DPYD: variants seen among roughly 807,000 people sequenced by gnomAD.
The protein encoded by DPYD is dihydropyrimidine dehydrogenase [NADP(+)].
Under a neutral mutation model 116.2 loss-of-function variants are expected in DPYD, and 109 were observed. The ratio of observed to expected loss-of-function variants is 0.94; its 90% confidence interval spans 0.80 to 1.10. The LOEUF is 1.10. Ranked by LOEUF, DPYD falls within the 50% of genes least tolerant of loss-of-function variation. The pLI is 0.00. For synonymous variants in DPYD, 440 were observed against 432.0 expected (o/e 1.02, Z -0.23); for missense variants, 1,302 against 1,254.5 (o/e 1.04, Z -0.57).
chr1:97,771,805 C>T (rs945226518), intron 3 of DPYD, among the ~76,000 whole-genome samples: 8 of 152,046 alleles, frequency 5.3e-5, no homozygotes, highest in Non-Finnish European at 1.2e-4. Flanking sequence ...GGAAAAAAGC[C>T]ATTGCTGTTT....
chr1:97,825,727 T>A (rs1571422729), intron 3 of DPYD, among the ~76,000 whole-genome samples: 2 of 151,552 alleles, frequency 1.3e-5, no homozygotes, highest in African/African-American at 2.4e-5. Flanking sequence ...CATATGTAAC[T>A]AACCTGCACG....
At chr1:97,482,276 G>A (rs1678365680) in intron 13 of DPYD, among the ~76,000 whole-genome samples, 1 of 152,158 alleles carries the variant, frequency 6.6e-6, no homozygotes. Flanking sequence ...TTAAAGTGGT[G>A]TTATCCATCT....
intron 13 of DPYD, among the ~76,000 whole-genome samples, chr1:97,501,194 T>C (rs1178431160): frequency 6.6e-6 from 1 of 152,212 alleles, no homozygotes; most frequent in East Asian, 1.9e-4. Context: ...GAACTGTTTA[T>C]AAACTTGTCT....
chr1:97,906,093 T>TA (rs1364434374), intron 1 of DPYD, among the ~76,000 whole-genome samples: 3 of 152,004 alleles, frequency 2.0e-5, no homozygotes, highest in Non-Finnish European at 4.4e-5. Flanking sequence ...CTCCTATACT[T>TA]ACACCTGCCT....
chr1:97,731,078 T>C (rs1261830188), intron 4 of DPYD, among the ~76,000 whole-genome samples: 1 of 152,160 alleles, frequency 6.6e-6, no homozygotes, highest in Non-Finnish European at 1.5e-5. Context: ...CTGAAAACTT[T>C]TTCTTTAATG....
intron 4 of DPYD, among the ~76,000 whole-genome samples, chr1:97,724,772 G>C (rs1476832287): frequency 6.6e-6 from 1 of 151,498 alleles, no homozygotes; most frequent in African/African-American, 2.4e-5. Flanking sequence ...AGCACACAAA[G>C]GTTCAATCAA....
At chr1:97,202,329 A>G (rs954598169) in intron 19 of DPYD, among the ~76,000 whole-genome samples, 7 of 152,138 alleles carry the variant, frequency 4.6e-5, no homozygotes, top group Middle Eastern at 3.2e-3. Flanking sequence ...GAAACGATAA[A>G]TTCTCTGATA....
At chr1:97,851,450 G>T (rs915036086) in intron 2 of DPYD, among the ~76,000 whole-genome samples, 1 of 151,726 alleles carries the variant, frequency 6.6e-6, no homozygotes, top group Admixed American at 6.6e-5. Context: ...TGCATGTAAG[G>T]TCAAGGTCAA....
chr1:97,562,618 C>T (rs1652230180), intron 11 of DPYD, among the ~76,000 whole-genome samples: 2 of 152,070 alleles, frequency 1.3e-5, no homozygotes, highest in Non-Finnish European at 2.9e-5. Context: ...CCAACAATGG[C>T]AGTATATTAC....
intron 20 of DPYD, among the ~76,000 whole-genome samples, chr1:97,100,272 T>C (rs1258935169): frequency 6.6e-6 from 1 of 152,064 alleles, no homozygotes; most frequent in African/African-American, 2.4e-5. Flanking sequence ...TCTTGGGGCA[T>C]ATGAGGTATA....
At chr1:97,229,593 G>C (rs1264919965) in intron 19 of DPYD, among the ~76,000 whole-genome samples, 1 of 101,504 alleles carries the variant, frequency 9.9e-6, no homozygotes, top group Non-Finnish European at 2.1e-5. Flanking sequence ...TATATATACT[G>C]ATTTTAATTC....
At chr1:97,507,866 C>T (rs1007645566) in intron 13 of DPYD, among the ~76,000 whole-genome samples, 1 of 151,668 alleles carries the variant, frequency 6.6e-6, no homozygotes, top group Non-Finnish European at 1.5e-5. Context: ...AGTCTGCAAA[C>T]CTTATTATGA....
At chr1:97,233,060 C>T (rs1392154482) in intron 19 of DPYD, among the ~76,000 whole-genome samples, 1 of 152,106 alleles carries the variant, frequency 6.6e-6, no homozygotes, top group African/African-American at 2.4e-5. Context: ...GTCAGTCTGG[C>T]AGGGGAAGTG....
chr1:97,306,102 A>G, intron 17 of DPYD, 75 bp downstream of exon 17: 1 of 1,601,544 alleles, frequency 6.2e-7, no homozygotes, highest in Non-Finnish European at 8.5e-7. Flanking sequence ...GTAGGAAAAG[A>G]CATACTTGAG....
At chr1:97,548,027 C>T (rs1418985328) in intron 12 of DPYD, among the ~76,000 whole-genome samples, 1 of 151,862 alleles carries the variant, frequency 6.6e-6, no homozygotes, top group Non-Finnish European at 1.5e-5. Context: ...CTAGAATAGA[C>T]AAAATGGTCA....
intron 8 of DPYD, among the ~76,000 whole-genome samples, chr1:97,619,985 G>A (rs954507651): frequency 6.6e-6 from 1 of 151,064 alleles, no homozygotes; most frequent in Admixed American, 6.6e-5. Context: ...ACCGTTTTTA[G>A]CCATTCTTTT....
intron 16 of DPYD, among the ~76,000 whole-genome samples, chr1:97,357,788 C>T (rs767645432): frequency 9.9e-5 from 15 of 152,154 alleles, no homozygotes; most frequent in Non-Finnish European, 1.3e-4. Flanking sequence ...AATATGTTTC[C>T]GTTTCTGAGT....
At chr1:97,545,288 A>T (rs930142035) in intron 12 of DPYD, among the ~76,000 whole-genome samples, 1 of 152,164 alleles carries the variant, frequency 6.6e-6, no homozygotes, top group Non-Finnish European at 1.5e-5. Flanking sequence ...TTTTTCATAA[A>T]GTGTCCTATT....
At chr1:97,375,486 A>T (rs1023478299) in intron 15 of DPYD, among the ~76,000 whole-genome samples, 11 of 152,170 alleles carry the variant, frequency 7.2e-5, no homozygotes, top group South Asian at 2.1e-4. Flanking sequence ...TGTTTTTAAC[A>T]TGGTTTCCTT....
Sources: gnomAD v4.1 joint callset for allele counts (sites outside exome capture counted in the v4.1 genomes callset) on GRCh38, gnomAD v4.1.1 for gene constraint, MANE v1.5 for transcripts, NCBI Gene and HGNC (gene_info 2026-07-23, HGNC 2026-07-21) for gene names.